KCNQ3: variants seen among roughly 807,000 people sequenced by gnomAD.
KCNQ3 encodes potassium voltage-gated channel subfamily Q member 3, also known as potassium voltage-gated channel subfamily KQT member 3.
KCNQ3 carries 30 observed loss-of-function variants against 92.5 expected under a neutral mutation model. The observed-to-expected ratio is 0.32, with a 90% CI of 0.24 to 0.44. KCNQ3 has a LOEUF of 0.44. KCNQ3 is among the 20% of genes least tolerant of loss of function. KCNQ3 has a pLI of 1.00. For missense variants in KCNQ3, 913 were observed against 1,140.3 expected, an observed-to-expected ratio of 0.80 and a Z score of 2.87; for synonymous variants, 450 against 468.8, an observed-to-expected ratio of 0.96 and a Z score of 0.52.
In KCNQ3 at chr8:132,339,446, T is replaced by C. The variant is rs138528595; in HGVS notation, c.386+140701A>G. ...CTTTGCTCTTTACCACCATGTACCA[T>C]GGTCAGCTTCTTCACTGGTTTCTTT... On this transcript the variant is annotated intron_variant, in intron 1 of 14. Transcript: ENST00000388996. Among the ~76,000 whole-genome samples the C allele has an allele frequency of 3.6e-4, 55 of 152,280 alleles. No homozygotes were observed. The East Asian group carries it at 0.01, about 28-fold the overall frequency.
At position 132,186,127 on chromosome 8, in the gene KCNQ3, C is replaced by T. The variant is rs1826948405; in HGVS notation, c.441G>A (p.Glu147=). ...LILAVLTTFK[E]YETVSGDWLL... is the part of the protein sequence containing the mutation. ...GCCAGTCTCCCGAGACAGTCTCATA[C>T]TCCTTGAATGTGGTCAGGACAGCCA... Residue 147 remains glutamate (E), a synonymous_variant, in exon 2 of 15, where the codon GAG becomes GAA. Transcript: ENST00000388996. The T allele has an allele frequency of 1.9e-6, 3 of 1,613,860 alleles. No homozygotes were observed. The highest frequency in any genetic ancestry group is 2.7e-5 in the African/African-American group (2 of 74,930).
intron 1 of KCNQ3, among the ~76,000 whole-genome samples, chr8:132,257,647 T>G (rs1259799292): frequency 6.8e-6 from 1 of 146,470 alleles, no homozygotes; most frequent in Non-Finnish European, 1.5e-5. Context: ...CTCAGGAGGC[T>G]GAGACAGGAG....
chr8:132,246,522 G>A (rs971380301), intron 1 of KCNQ3, among the ~76,000 whole-genome samples: 2 of 152,202 alleles, frequency 1.3e-5, no homozygotes, highest in Non-Finnish European at 2.9e-5. Context: ...CAAGAGAGGA[G>A]CAATTTATTT....
At chr8:132,464,002 T>C (rs1214397227) in intron 1 of KCNQ3, among the ~76,000 whole-genome samples, 1 of 152,180 alleles carries the variant, frequency 6.6e-6, no homozygotes, top group Non-Finnish European at 1.5e-5. Flanking sequence ...CTGGCCAACA[T>C]GGTGAAACCC....
intron 1 of KCNQ3, among the ~76,000 whole-genome samples, chr8:132,296,900 T>C (rs1384066529): frequency 4.6e-5 from 7 of 151,998 alleles, no homozygotes; most frequent in African/African-American, 1.7e-4. Flanking sequence ...TTTGGGTATA[T>C]ACCCAGTAAT....
At chr8:132,351,699 G>A (rs907672044) in intron 1 of KCNQ3, among the ~76,000 whole-genome samples, 2 of 152,136 alleles carry the variant, frequency 1.3e-5, no homozygotes, top group African/African-American at 4.8e-5. Context: ...GTGACCACTT[G>A]GAAGCAGGTG....
At chr8:132,467,111 A>G (rs543458760) in intron 1 of KCNQ3, among the ~76,000 whole-genome samples, 1 of 152,290 alleles carries the variant, frequency 6.6e-6, no homozygotes, top group East Asian at 1.9e-4. Context: ...CATATTTCAG[A>G]TGAGCAAACT....
At chr8:132,344,886 G>A (rs557856250) in intron 1 of KCNQ3, among the ~76,000 whole-genome samples, 1 of 152,238 alleles carries the variant, frequency 6.6e-6, no homozygotes, top group South Asian at 2.1e-4. Context: ...CCAGAAGCTT[G>A]GGAGAAGGGA....
At chr8:132,344,850 G>A (rs943668704) in intron 1 of KCNQ3, among the ~76,000 whole-genome samples, 2 of 152,152 alleles carry the variant, frequency 1.3e-5, no homozygotes, top group South Asian at 2.1e-4. Flanking sequence ...GGTGCTTTGC[G>A]TGGGGCAACT....
At chr8:132,216,105 C>T (rs1339632311) in intron 1 of KCNQ3, among the ~76,000 whole-genome samples, 1 of 152,060 alleles carries the variant, frequency 6.6e-6, no homozygotes, top group Non-Finnish European at 1.5e-5. Flanking sequence ...TTATGCAGTA[C>T]TTGGAAGAGC....
At position 132,303,948 on chromosome 8, in the gene KCNQ3, A is replaced by G. The variant is rs534968931; in HGVS notation, c.387-117767T>C. ...GAGTAATATGCAGCCATAAACACAC[A>G]CACCATAAAATATTACTCAGCCATA... On this transcript the variant is annotated intron_variant, in intron 1 of 14. Transcript: ENST00000388996. Among the ~76,000 whole-genome samples, 28 of 151,952 alleles carry G rather than the reference A, an allele frequency of 1.8e-4. 1 individual carries two copies. Among genetic ancestry groups the G allele is most frequent in the Admixed American group, 1.7e-3 (26 of 15,252 alleles).
At chr8:132,161,559 G>T (rs778303326) in intron 9 of KCNQ3, among the ~76,000 whole-genome samples, 2 of 151,744 alleles carry the variant, frequency 1.3e-5, no homozygotes, top group Non-Finnish European at 2.9e-5. Context: ...TTGAACCCAG[G>T]AAGCAGAGGT....
intron 1 of KCNQ3, among the ~76,000 whole-genome samples, chr8:132,462,972 T>C (rs1230334194): frequency 6.6e-6 from 1 of 152,178 alleles, no homozygotes; most frequent in Non-Finnish European, 1.5e-5. Flanking sequence ...ATACAGTATA[T>C]GCCTCATTCA....
intron 1 of KCNQ3, among the ~76,000 whole-genome samples, chr8:132,406,951 G>A (rs1384361286): frequency 6.6e-6 from 1 of 152,222 alleles, no homozygotes; most frequent in Non-Finnish European, 1.5e-5. Context: ...AAGTGAAGAA[G>A]TGGAGGGGGA....
At chr8:132,265,355 G>A (rs542798657) in intron 1 of KCNQ3, among the ~76,000 whole-genome samples, 17 of 152,358 alleles carry the variant, frequency 1.1e-4, no homozygotes, top group Middle Eastern at 3.4e-3. Flanking sequence ...CTTCAGGTGG[G>A]AAGTGTTAAT....
chr8:132,201,668 C>A (rs1827462961), intron 1 of KCNQ3, among the ~76,000 whole-genome samples: 1 of 152,210 alleles, frequency 6.6e-6, no homozygotes, highest in South Asian at 2.1e-4. Flanking sequence ...CCTGGACACA[C>A]TGGAGTAGAG....
chr8:132,383,050 C>G (rs549886292), intron 1 of KCNQ3, among the ~76,000 whole-genome samples: 1 of 152,284 alleles, frequency 6.6e-6, no homozygotes, highest in South Asian at 2.1e-4. Context: ...TCCTAAAACT[C>G]TCTCATTCTA....
chr8:132,387,766 C>G (rs1272897228), intron 1 of KCNQ3, among the ~76,000 whole-genome samples: 1 of 152,014 alleles, frequency 6.6e-6, no homozygotes, highest in Non-Finnish European at 1.5e-5. Context: ...TTTGGGAGGC[C>G]AAGGCAGGAG....
intron 1 of KCNQ3, among the ~76,000 whole-genome samples, chr8:132,385,890 A>G (rs1288183768): frequency 2.0e-5 from 3 of 152,192 alleles, no homozygotes; most frequent in Non-Finnish European, 4.4e-5. Flanking sequence ...AATCAAGCAT[A>G]TAAGTTAAAA....
Sources: gnomAD v4.1 joint callset for allele counts (sites outside exome capture counted in the v4.1 genomes callset) on GRCh38, gnomAD v4.1.1 for gene constraint, MANE v1.5 for transcripts, NCBI Gene and HGNC (gene_info 2026-07-23, HGNC 2026-07-21) for gene names.